TTC39B: variants seen among roughly 807,000 people sequenced by gnomAD.
The protein encoded by TTC39B is tetratricopeptide repeat protein 39B.
Under a neutral mutation model 96.6 loss-of-function variants are expected in TTC39B, and 92 were observed. The observed-to-expected ratio is 0.95, with a 90% CI of 0.80 to 1.13. The LOEUF is 1.13. TTC39B is among the 50% of genes most tolerant of loss of function. TTC39B has a pLI of 0.00. For missense variants in TTC39B, 955 were observed against 809.3 expected (o/e 1.18, Z -2.18); for synonymous variants, 367 against 299.4 (o/e 1.23, Z -2.33).
chr9:15,219,336 C>A (rs1003985296), intron 3 of TTC39B, among the ~76,000 whole-genome samples: 1 of 152,148 alleles, frequency 6.6e-6, no homozygotes, highest in East Asian at 1.9e-4. Context: ...TGCCCCAACT[C>A]CCCTGCTAAG....
chr9:15,227,359 T>G (rs1056218392), intron 2 of TTC39B, among the ~76,000 whole-genome samples: 1 of 152,204 alleles, frequency 6.6e-6, no homozygotes, highest in African/African-American at 2.4e-5. Context: ...TTTTGTTTTT[T>G]GTTTTTTTCC....
chr9:15,185,479 A>T, intron 15 of TTC39B, 73 bp from the exon 16 acceptor site: 1 of 1,589,112 alleles, frequency 6.3e-7, no homozygotes, highest in Non-Finnish European at 8.6e-7. Flanking sequence ...TGTGGTTTTC[A>T]CAGTGAACTT....
At chr9:15,298,701 C>G (rs537139795) in intron 1 of TTC39B, among the ~76,000 whole-genome samples, 51 of 152,216 alleles carry the variant, frequency 3.4e-4, no homozygotes, top group Non-Finnish European at 6.8e-4. Flanking sequence ...GGAACACAGC[C>G]AAACCATATC....
intron 2 of TTC39B, among the ~76,000 whole-genome samples, chr9:15,239,187 G>A (rs971918179): frequency 2.0e-5 from 3 of 151,910 alleles, no homozygotes; most frequent in East Asian, 3.9e-4. Context: ...CTAATCATCA[G>A]AGAAACACAA....
chr9:15,172,915 G>A (rs1452341456), intron 19 of TTC39B, among the ~76,000 whole-genome samples: 1 of 152,074 alleles, frequency 6.6e-6, no homozygotes, highest in African/African-American at 2.4e-5. Context: ...TATGTTACTG[G>A]AGTTTACCGA....
At chr9:15,226,084 T>A (rs78937527) in intron 2 of TTC39B, 72 bp from the exon 3 acceptor site, 1 of 1,278,098 alleles carries the variant, frequency 7.8e-7, no homozygotes, top group Admixed American at 1.9e-5. Context: ...CCAGTGCAAT[T>A]ACACAACATA....
At chr9:15,247,468 T>C (rs1246084147) in intron 2 of TTC39B, among the ~76,000 whole-genome samples, 1 of 152,172 alleles carries the variant, frequency 6.6e-6, no homozygotes, top group African/African-American at 2.4e-5. Flanking sequence ...TTCCAACTCA[T>C]TACAGGAGAC....
chr9:15,278,084 T>C (rs897876496), intron 1 of TTC39B, among the ~76,000 whole-genome samples: 2 of 149,980 alleles, frequency 1.3e-5, no homozygotes, highest in African/African-American at 5.1e-5. Flanking sequence ...AATGAAAAGG[T>C]TAATTAATTA....
intron 1 of TTC39B, among the ~76,000 whole-genome samples, chr9:15,276,311 C>T (rs1823541107): frequency 6.6e-6 from 1 of 152,184 alleles, no homozygotes; most frequent in African/African-American, 2.4e-5. Flanking sequence ...ATTCTCTCCT[C>T]CTTTTTCTTC....
intron 6 of TTC39B, among the ~76,000 whole-genome samples, chr9:15,208,751 A>C (rs999804863): frequency 6.6e-5 from 10 of 152,224 alleles, no homozygotes; most frequent in Admixed American, 4.6e-4. Context: ...TGGGGTCAAC[A>C]TCATGCCCCT....
chr9:15,183,512 T>G (rs957665977), intron 16 of TTC39B: 1 of 336,164 alleles, frequency 3.0e-6, no homozygotes, highest in Non-Finnish European at 5.7e-6. Context: ...GCCAATTTCC[T>G]GTACATTCTA....
chr9:15,178,723 T>C (rs1042262550), intron 17 of TTC39B, among the ~76,000 whole-genome samples: 1 of 152,226 alleles, frequency 6.6e-6, no homozygotes, highest in African/African-American at 2.4e-5. Flanking sequence ...ATCTGAGCTC[T>C]AAATAAAGAG....
chr9:15,265,284 C>T (rs1823090527), intron 2 of TTC39B, among the ~76,000 whole-genome samples: 1 of 152,166 alleles, frequency 6.6e-6, no homozygotes, highest in African/African-American at 2.4e-5. Context: ...AGTGGGAGCT[C>T]AGAGAAGCAC....
chr9:15,208,181 T>A (rs984384129), intron 6 of TTC39B, among the ~76,000 whole-genome samples: 7 of 151,430 alleles, frequency 4.6e-5, no homozygotes, highest in South Asian at 2.1e-4. Flanking sequence ...TGCGCCACCA[T>A]GCCTGGCTAA....
chr9:15,195,853 T>C (rs886092383), intron 8 of TTC39B, among the ~76,000 whole-genome samples: 1 of 152,084 alleles, frequency 6.6e-6, no homozygotes, highest in African/African-American at 2.4e-5. Context: ...AACTTTCATA[T>C]CTAGAGAGGA....
chr9:15,263,027 G>C (rs1190572713), intron 2 of TTC39B, among the ~76,000 whole-genome samples: 1 of 152,158 alleles, frequency 6.6e-6, no homozygotes, highest in African/African-American at 2.4e-5. Context: ...AACAACTGAA[G>C]AAATTTTTTA....
chr9:15,177,869 CT>C (rs371656816), intron 17 of TTC39B, 55 bp from the exon 18 acceptor site: 73,338 of 460,926 alleles, frequency 0.16, 9 homozygotes, highest in South Asian at 0.21. Flanking sequence ...TTTTTAAGAT[CT>C]TTTTTTTTTT....
chr9:15,279,892 CTTTTTTTTTTT>C (rs1164750793), intron 1 of TTC39B, among the ~76,000 whole-genome samples: 1 of 101,846 alleles, frequency 9.8e-6, no homozygotes, highest in East Asian at 2.5e-4. Flanking sequence ...TTTTTCTTTT[CTTTTTTTTTTT>C]TTTTTTTTTT....
intron 1 of TTC39B, among the ~76,000 whole-genome samples, chr9:15,284,140 T>G (rs1823869593): frequency 6.6e-6 from 1 of 152,198 alleles, no homozygotes; most frequent in Admixed American, 6.5e-5. Context: ...GGGTGTGACA[T>G]GCACTCGTAC....
Sources: allele counts gnomAD v4.1 joint callset (sites outside exome capture counted in the v4.1 genomes callset), GRCh38; gene constraint gnomAD v4.1.1; transcripts MANE v1.5; gene names NCBI Gene and HGNC (gene_info 2026-07-23, HGNC 2026-07-21).